KDM4C: variants seen among roughly 807,000 people sequenced by gnomAD.
KDM4C encodes the protein lysine demethylase 4C.
In KDM4C, 81 loss-of-function variants were observed where a neutral mutation model predicts 129.3. That is an observed-to-expected ratio of 0.63 (90% CI 0.52 to 0.75). The LOEUF is 0.75. KDM4C is among the 30% of genes least tolerant of loss of function. The pLI is 0.00. For synonymous variants in KDM4C, 573 were observed against 456.1 expected (o/e 1.26, Z -3.26); for missense variants, 1,457 against 1,304.0 (o/e 1.12, Z -1.81).
chr9:6,890,629 T>C (rs887467332), intron 7 of KDM4C, among the ~76,000 whole-genome samples: 1 of 143,244 alleles, frequency 7.0e-6, no homozygotes, highest in African/African-American at 2.7e-5. Context: ...ACAGGTGCTC[T>C]TTTTTTTTTT....
chr9:6,968,054 G>C (rs1831309444), intron 8 of KDM4C, among the ~76,000 whole-genome samples: 1 of 152,194 alleles, frequency 6.6e-6, no homozygotes, highest in Non-Finnish European at 1.5e-5. Flanking sequence ...CACACAGTAA[G>C]TGGTAGATGT....
At chr9:6,870,014 A>G (rs1452768690) in intron 5 of KDM4C, among the ~76,000 whole-genome samples, 2 of 152,230 alleles carry the variant, frequency 1.3e-5, no homozygotes, top group South Asian at 2.1e-4. Flanking sequence ...TATAAAATCC[A>G]TAGTGGTTCA....
intron 19 of KDM4C, among the ~76,000 whole-genome samples, chr9:7,155,797 T>C (rs1219299915): frequency 6.6e-6 from 1 of 152,230 alleles, no homozygotes; most frequent in East Asian, 1.9e-4. Context: ...TTTGCTATTG[T>C]GAATAGTGTG....
At chr9:7,085,982 C>T (rs1246161143) in intron 17 of KDM4C, among the ~76,000 whole-genome samples, 1 of 152,128 alleles carries the variant, frequency 6.6e-6, no homozygotes, top group Non-Finnish European at 1.5e-5. Context: ...ATGGCAAAAT[C>T]CCGTGTCTAC....
chr9:7,051,433 C>T (rs892724670), intron 17 of KDM4C, among the ~76,000 whole-genome samples: 1 of 152,096 alleles, frequency 6.6e-6, no homozygotes, highest in African/African-American at 2.4e-5. Flanking sequence ...ATACAATTTA[C>T]TTATGTGGGG....
At chr9:6,988,956 A>G (rs1403055946) in intron 11 of KDM4C, among the ~76,000 whole-genome samples, 3 of 152,204 alleles carry the variant, frequency 2.0e-5, no homozygotes, top group Non-Finnish European at 4.4e-5. Context: ...TATTTGATAA[A>G]TACGACTTAT....
chr9:6,928,521 A>G (rs1823050329), intron 8 of KDM4C, among the ~76,000 whole-genome samples: 1 of 152,006 alleles, frequency 6.6e-6, no homozygotes, highest in Non-Finnish European at 1.5e-5. Flanking sequence ...TGGTTTCACC[A>G]AGATTGTAGA....
chr9:6,919,024 G>A (rs975380549), intron 8 of KDM4C, among the ~76,000 whole-genome samples: 1 of 151,922 alleles, frequency 6.6e-6, no homozygotes, highest in Non-Finnish European at 1.5e-5. Flanking sequence ...GCTAATTTTT[G>A]TAGTTTTTAG....
intron 12 of KDM4C, among the ~76,000 whole-genome samples, chr9:6,995,920 G>A (rs141562715): frequency 0.011 from 1,708 of 151,958 alleles, 13 homozygotes; most frequent in Non-Finnish European, 0.015. Context: ...TGCCCACCTC[G>A]GCCTCCCAAA....
chr9:7,021,118 A>ATGTG (rs779873328), intron 15 of KDM4C, among the ~76,000 whole-genome samples: 3 of 130,002 alleles, frequency 2.3e-5, no homozygotes, highest in Non-Finnish European at 4.7e-5. Flanking sequence ...ATACATATAT[A>ATGTG]TATGTGTGTG....
chr9:6,821,835 A>T (rs1833084199), intron 4 of KDM4C, among the ~76,000 whole-genome samples: 1 of 152,148 alleles, frequency 6.6e-6, no homozygotes, highest in African/African-American at 2.4e-5. Context: ...GTGATTCGCC[A>T]TGTTGGCCAG....
rs1213368592 is a variant in KDM4C, at chr9:6,990,280, C to T, written c.1678-136C>T. ...CCTTAAGTTTAAATTTCTTAAAGGA[C>T]TAGTTCCCCAAGAGGTAAACAACCA... is the stretch of plus-strand genomic sequence containing the variant. On this transcript the variant is annotated intron_variant, in intron 11 of 21. Coordinates refer to ENST00000381309, the MANE Select transcript of KDM4C (RefSeq NM_015061.6). 9.2e-6 allele frequency: 6 copies of T among 655,192 alleles called. No homozygotes were observed. The Admixed American group carries it at 1.1e-4, about 12-fold the overall frequency. 40.6% of individuals were successfully genotyped at this position (655,192 alleles called of 1,614,324 possible).
intron 4 of KDM4C, among the ~76,000 whole-genome samples, chr9:6,840,479 C>T (rs1836714817): frequency 6.6e-6 from 1 of 152,096 alleles, no homozygotes; most frequent in African/African-American, 2.4e-5. Flanking sequence ...TCACTGTAAC[C>T]TCTGCCTCCC....
At chr9:7,003,718 A>G (rs1236981051) in intron 12 of KDM4C, among the ~76,000 whole-genome samples, 1 of 152,206 alleles carries the variant, frequency 6.6e-6, no homozygotes, top group Non-Finnish European at 1.5e-5. Context: ...TCTTAGTAAA[A>G]TCATACCTAA....
chr9:7,080,582 T>G (rs2132931227), intron 17 of KDM4C, among the ~76,000 whole-genome samples: 1 of 152,326 alleles, frequency 6.6e-6, no homozygotes, highest in Middle Eastern at 3.4e-3. Context: ...AAAAAACAAG[T>G]CTGTTTTGGC....
intron 8 of KDM4C, among the ~76,000 whole-genome samples, chr9:6,946,694 T>C (rs1016859987): frequency 9.2e-5 from 14 of 152,180 alleles, no homozygotes; most frequent in African/African-American, 3.1e-4. Context: ...GAATATACTC[T>C]GAGTTTATAA....
chr9:6,785,470 G>A (rs1463581472), intron 1 of KDM4C, among the ~76,000 whole-genome samples: 2 of 152,072 alleles, frequency 1.3e-5, no homozygotes, highest in Non-Finnish European at 2.9e-5. Flanking sequence ...CCCAGTAGCT[G>A]GGATTACAGG....
chr9:6,923,283 G>T (rs1235370217), intron 8 of KDM4C, among the ~76,000 whole-genome samples: 1 of 151,822 alleles, frequency 6.6e-6, no homozygotes, highest in Non-Finnish European at 1.5e-5. Flanking sequence ...CACTGTTGCT[G>T]CATGTGACCC....
At chr9:6,845,501 C>T (rs1837697075) in intron 4 of KDM4C, among the ~76,000 whole-genome samples, 1 of 152,166 alleles carries the variant, frequency 6.6e-6, no homozygotes, top group Middle Eastern at 3.2e-3. Context: ...AGGCATGAGC[C>T]ACTGTGCCTG....
Sources: gnomAD v4.1 joint callset for allele counts (sites outside exome capture counted in the v4.1 genomes callset) on GRCh38, gnomAD v4.1.1 for gene constraint, MANE v1.5 for transcripts, NCBI Gene and HGNC (gene_info 2026-07-23, HGNC 2026-07-21) for gene names.